The following DTNB variants were observed in gnomAD, a reference collection of about 807,000 sequenced individuals.
DTNB encodes the protein DTN-B.
DTNB carries 63 observed loss-of-function variants against 90.7 expected under a neutral mutation model. The ratio of observed to expected loss-of-function variants is 0.69; its 90% CI spans 0.57 to 0.86. The LOEUF is 0.86. Among genes scored for constraint, DTNB ranks in the 40% least tolerant of loss-of-function variants. The probability of loss-of-function intolerance (pLI) is 0.00; values close to 1 mark genes in which losing one functional copy is unlikely to be tolerated. For synonymous variants in DTNB, 277 were observed against 286.7 expected (o/e 0.97, Z 0.34); for missense variants, 744 against 807.1 (o/e 0.92, Z 0.95).
At chr2:25,640,771 C>T (rs1301358167) in intron 2 of DTNB, among the ~76,000 whole-genome samples, 1 of 152,002 alleles carries the variant, frequency 6.6e-6, no homozygotes, top group Non-Finnish European at 1.5e-5. Flanking sequence ...CTTTGGGAGG[C>T]TGAGGCGGGC....
At chr2:25,405,522 A>G (rs1317371499) in intron 16 of DTNB, among the ~76,000 whole-genome samples, 1 of 152,136 alleles carries the variant, frequency 6.6e-6, no homozygotes, top group African/African-American at 2.4e-5. Context: ...CCTGGGTGAC[A>G]GAACAAGACT....
At chr2:25,546,491 G>A (rs1297654624) in intron 8 of DTNB, among the ~76,000 whole-genome samples, 3 of 152,164 alleles carry the variant, frequency 2.0e-5, no homozygotes, top group African/African-American at 7.2e-5. Context: ...TAAGGAGGCA[G>A]CTCTTCTAAA....
intron 6 of DTNB, among the ~76,000 whole-genome samples, chr2:25,590,472 C>T (rs2063345328): frequency 6.6e-6 from 1 of 151,872 alleles, no homozygotes; most frequent in South Asian, 2.1e-4. Context: ...CAGCTCTCAG[C>T]ATAGAGGAGA....
intron 8 of DTNB, among the ~76,000 whole-genome samples, chr2:25,549,380 G>C (rs2151089785): frequency 6.6e-6 from 1 of 151,810 alleles, no homozygotes; most frequent in South Asian, 2.1e-4. Context: ...TCTTATAATA[G>C]GTTTAAAGTT....
At chr2:25,437,429 T>C (rs186775055) in intron 12 of DTNB, among the ~76,000 whole-genome samples, 99 of 152,194 alleles carry the variant, frequency 6.5e-4, no homozygotes, top group African/African-American at 2.3e-3. Context: ...GCCTGGCTAA[T>C]TTTTGTGTTT....
At chr2:25,619,321 T>A (rs534578515) in intron 4 of DTNB, among the ~76,000 whole-genome samples, 178 of 152,318 alleles carry the variant, frequency 1.2e-3, no homozygotes, top group Non-Finnish European at 2.3e-3. Flanking sequence ...AATAAGAGCA[T>A]CTCTCTTTGA....
chr2:25,666,656 A>AT (rs907996063), intron 1 of DTNB, among the ~76,000 whole-genome samples: 8 of 152,036 alleles, frequency 5.3e-5, no homozygotes, highest in Admixed American at 4.6e-4. Flanking sequence ...TTTTTTAACA[A>AT]TTTTTTTTAA....
chr2:25,490,466 G>C (rs951458288), intron 9 of DTNB, among the ~76,000 whole-genome samples: 6 of 152,094 alleles, frequency 3.9e-5, no homozygotes, highest in African/African-American at 9.7e-5. Context: ...AAAGATCTTA[G>C]AAAACATTCA....
intron 10 of DTNB, among the ~76,000 whole-genome samples, chr2:25,460,726 T>C (rs180731794): frequency 5.3e-5 from 8 of 152,218 alleles, no homozygotes; most frequent in Non-Finnish European, 1.0e-4. Context: ...TTGACATAAA[T>C]AGTTTTGGCA....
chr2:25,662,683 C>CACAA lies in DTNB; in HGVS notation c.-1-10023_-1-10022insTTGT, dbSNP rs1553662332. ...ACACACACACACACACACACACAAA[C>CACAA]ACACACACACACACACACACACACA... On this transcript the variant is annotated intron_variant, in intron 1 of 20. Coordinates refer to ENST00000406818, the MANE Select transcript of DTNB (RefSeq NM_021907.5). 4.1e-3 allele frequency among the ~76,000 whole-genome samples: 416 copies of CACAA among 101,668 alleles called. 2 individuals are homozygous for CACAA. Among genetic ancestry groups the CACAA allele is most frequent in the Middle Eastern group, 9.0e-3 (2 of 222 alleles). 66.7% of individuals were successfully genotyped at this position (101,668 alleles called of 152,430 possible). A position where few individuals can be genotyped will look rare whatever the true frequency, so the allele number is the denominator to read the frequency against.
intron 5 of DTNB, among the ~76,000 whole-genome samples, chr2:25,601,867 A>G (rs1293577677): frequency 6.6e-6 from 1 of 152,118 alleles, no homozygotes; most frequent in Non-Finnish European, 1.5e-5. Flanking sequence ...CATGCCTGTA[A>G]TTCTAACACT....
chr2:25,514,971 C>T (rs1476197045), intron 9 of DTNB, among the ~76,000 whole-genome samples: 1 of 152,074 alleles, frequency 6.6e-6, no homozygotes, highest in Non-Finnish European at 1.5e-5. Context: ...GCGTGAGTCA[C>T]CGCGCCCAGC....
chr2:25,442,088 T>G (rs1558540793), intron 12 of DTNB, among the ~76,000 whole-genome samples: 1 of 152,214 alleles, frequency 6.6e-6, no homozygotes. Context: ...CAAGTTCGCC[T>G]AAAGTGTCAA....
intron 9 of DTNB, among the ~76,000 whole-genome samples, chr2:25,502,919 TG>T (rs2071157170): frequency 7.4e-6 from 1 of 135,396 alleles, no homozygotes; most frequent in Non-Finnish European, 1.6e-5. Flanking sequence ...CAGGGTGTGG[TG>T]GCATGAGCCT....
intron 5 of DTNB, among the ~76,000 whole-genome samples, chr2:25,606,617 C>A (rs1217330201): frequency 1.3e-5 from 2 of 152,078 alleles, no homozygotes; most frequent in Non-Finnish European, 2.9e-5. Flanking sequence ...TAAATAAAAA[C>A]CATAAGCAGC....
At chr2:25,392,316 A>C (rs2041344078) in intron 16 of DTNB, among the ~76,000 whole-genome samples, 1 of 152,148 alleles carries the variant, frequency 6.6e-6, no homozygotes, top group Admixed American at 6.5e-5. Context: ...AGGCTGAGGC[A>C]GGAGAATCTC....
At chr2:25,608,626 T>G (rs1343480380) in intron 4 of DTNB, among the ~76,000 whole-genome samples, 1 of 152,210 alleles carries the variant, frequency 6.6e-6, no homozygotes, top group Non-Finnish European at 1.5e-5. Context: ...ATAAGATAGA[T>G]CATTAGGTTA....
chr2:25,483,005 G>T lies in DTNB; in HGVS notation c.1002-132C>A, dbSNP rs1236888168. The T allele has an allele frequency of 2.5e-5, 23 of 924,808 alleles. 1 individual carries two copies. The highest frequency in any genetic ancestry group is 9.3e-5 in the South Asian group (4 of 42,980). The allele number at this position is 924,808 out of a possible 1,614,324, so 57.3% of individuals were successfully genotyped here. A position where few individuals can be genotyped will look rare whatever the true frequency, so the allele number is the denominator to read the frequency against. Reference sequence around the variant, plus strand: ...AAGCACAGACGGACCCATGGGGAGGGGGGGGACCCATGGGGAAGGGGAGGC... The same window carrying T: ...AAGCACAGACGGACCCATGGGGAGGTGGGGGACCCATGGGGAAGGGGAGGC... On this transcript the variant is annotated intron_variant, in intron 9 of 20. Coordinates refer to ENST00000406818, the MANE Select transcript of DTNB (RefSeq NM_021907.5).
At chr2:25,396,102 A>G (rs1385903370) in intron 16 of DTNB, among the ~76,000 whole-genome samples, 1 of 152,200 alleles carries the variant, frequency 6.6e-6, no homozygotes, top group Non-Finnish European at 1.5e-5. Context: ...AAAGGAACAA[A>G]ACAATGGCAT....
Sources: gnomAD v4.1 joint callset for allele counts (sites outside exome capture counted in the v4.1 genomes callset) on GRCh38, gnomAD v4.1.1 for gene constraint, MANE v1.5 for transcripts, NCBI Gene and HGNC (gene_info 2026-07-23, HGNC 2026-07-21) for gene names.